The following STK33 variants were observed in gnomAD, a reference collection of about 807,000 sequenced individuals.
STK33 encodes serine/threonine-protein kinase 33.
STK33 carries 52 observed loss-of-function variants against 58.0 expected under a neutral mutation model. That is an observed-to-expected ratio of 0.90 (90% confidence interval 0.72 to 1.13). STK33 has a LOEUF of 1.13. STK33 is among the 50% of genes most tolerant of loss of function. The pLI is 0.00. For missense variants in STK33, 630 were observed against 604.2 expected (o/e 1.04, Z -0.45); for synonymous variants, 215 against 200.1 (o/e 1.07, Z -0.63).
At chr11:8,584,282 A>G (rs1207351940) in intron 1 of STK33, among the ~76,000 whole-genome samples, 1 of 152,134 alleles carries the variant, frequency 6.6e-6, no homozygotes, top group East Asian at 1.9e-4. Context: ...CGGGTCCTTC[A>G]ATGATTCATA....
intron 1 of STK33, among the ~76,000 whole-genome samples, chr11:8,484,281 T>C (rs1950051632): frequency 6.6e-6 from 1 of 152,246 alleles, no homozygotes; most frequent in African/African-American, 2.4e-5. Flanking sequence ...TGATATGTTT[T>C]AAGCTCCTAA....
chr11:8,575,378 TAAAC>T (rs1565400929), intron 1 of STK33, among the ~76,000 whole-genome samples: 2 of 152,094 alleles, frequency 1.3e-5, no homozygotes, highest in Non-Finnish European at 2.9e-5. Context: ...GATGAACAGA[TAAAC>T]AAACTGTGGT....
intron 14 of STK33, 103 bp from the exon 15 acceptor site, chr11:8,413,795 A>G: frequency 2.0e-6 from 2 of 1,012,290 alleles, no homozygotes; most frequent in South Asian, 3.1e-5. Flanking sequence ...TAATAGTCAC[A>G]TGGAAAAGAT....
chr11:8,396,304 A>G (rs189465307), intron 15 of STK33, among the ~76,000 whole-genome samples: 1 of 152,152 alleles, frequency 6.6e-6, no homozygotes, highest in Non-Finnish European at 1.5e-5. Context: ...GGGTTTCACC[A>G]TGTTGGCCAG....
At chr11:8,501,898 T>C (rs1951540224) in intron 1 of STK33, among the ~76,000 whole-genome samples, 1 of 152,170 alleles carries the variant, frequency 6.6e-6, no homozygotes. Flanking sequence ...TGGATGAACC[T>C]TGAAAATATT....
intron 1 of STK33, among the ~76,000 whole-genome samples, chr11:8,492,714 A>C (rs1284356523): frequency 6.6e-6 from 1 of 152,232 alleles, no homozygotes; most frequent in Non-Finnish European, 1.5e-5. Context: ...TCTCCTCAGC[A>C]AATGTAAAAG....
the STK33 span, among the ~76,000 whole-genome samples, chr11:8,347,529 G>A: frequency 8.5e-5 from 13 of 152,244 alleles, no homozygotes; most frequent in African/African-American, 3.1e-4. Context: ...GGCTGAGGAA[G>A]CAGCCACTGT....
downstream of STK33, among the ~76,000 whole-genome samples, chr11:8,390,392 A>G (rs1040567542): frequency 3.3e-5 from 5 of 152,208 alleles, no homozygotes; most frequent in Non-Finnish European, 5.9e-5. Context: ...CCTATCAGTC[A>G]TTGAAAGTCA....
At chr11:8,357,677 C>G in the STK33 span, among the ~76,000 whole-genome samples, 1 of 152,136 alleles carries the variant, frequency 6.6e-6, no homozygotes, top group Non-Finnish European at 1.5e-5. Context: ...CCTCACACCC[C>G]TCCCCACTAG....
intron 1 of STK33, among the ~76,000 whole-genome samples, chr11:8,593,033 T>C (rs2032859213): frequency 6.6e-6 from 1 of 152,150 alleles, no homozygotes; most frequent in African/African-American, 2.4e-5. Context: ...ATAAAATGAA[T>C]AGAACTTGAT....
the STK33 span, among the ~76,000 whole-genome samples, chr11:8,351,834 A>G: frequency 6.6e-6 from 1 of 152,144 alleles, no homozygotes; most frequent in African/African-American, 2.4e-5. Context: ...GAGCTCCTCC[A>G]TCCCCTTGGA....
the STK33 span, among the ~76,000 whole-genome samples, chr11:8,347,412 G>A: frequency 5.3e-5 from 8 of 152,280 alleles, no homozygotes; most frequent in South Asian, 8.3e-4. Context: ...GATAACAAAC[G>A]CTCCCCAAAT....
intron 1 of STK33, among the ~76,000 whole-genome samples, chr11:8,518,234 C>G (rs1591587039): frequency 1.3e-5 from 2 of 152,044 alleles, no homozygotes; most frequent in South Asian, 2.1e-4. Flanking sequence ...TCATATCCAG[C>G]CAAACTAAGC....
At chr11:8,394,671 T>C (rs1318820714) in intron 15 of STK33, among the ~76,000 whole-genome samples, 1 of 152,228 alleles carries the variant, frequency 6.6e-6, no homozygotes, top group Non-Finnish European at 1.5e-5. Context: ...AGAATATTTT[T>C]CTTTTTCCCA....
chr11:8,365,793 C>G, the STK33 span, among the ~76,000 whole-genome samples: 1 of 152,162 alleles, frequency 6.6e-6, no homozygotes, highest in Admixed American at 6.5e-5. Flanking sequence ...AACACAGACT[C>G]TCTGCCATTA....
At chr11:8,508,202 T>A (rs980414020) in intron 1 of STK33, among the ~76,000 whole-genome samples, 3 of 151,848 alleles carry the variant, frequency 2.0e-5, no homozygotes, top group African/African-American at 7.3e-5. Context: ...ACAAATAGGT[T>A]TTTACATTAT....
rs557943298 is a variant in STK33 at position 8,579,261 on chromosome 11, T to C, written c.-466+14822A>G. Among the ~76,000 whole-genome samples, 27 of 152,126 alleles carry C rather than the reference T, an allele frequency of 1.8e-4. 1 individual carries two copies. The highest frequency in any genetic ancestry group is 3.4e-3 in the Middle Eastern group (1 of 294). On this transcript the variant is annotated intron_variant, in intron 1 of 15. Coordinates refer to ENST00000687296, the MANE Select transcript of STK33 (RefSeq NM_001352389.2). ...ATAGGTTTTTTATTAAATCTAAACCTTTCAGTGGAGCCCTTATTGCCACTA... is the reference window on the plus strand; with the variant it reads ...ATAGGTTTTTTATTAAATCTAAACCCTTCAGTGGAGCCCTTATTGCCACTA...
At chr11:8,540,992 C>A (rs61875889) in intron 1 of STK33, among the ~76,000 whole-genome samples, 26,740 of 136,634 alleles carry the variant, frequency 0.2, 2,537 homozygotes, top group Admixed American at 0.23. Context: ...CTCTCTCTCT[C>A]TCTATATATA....
At chr11:8,436,987 C>T (rs753709142) in intron 12 of STK33, among the ~76,000 whole-genome samples, 3 of 152,188 alleles carry the variant, frequency 2.0e-5, no homozygotes, top group Non-Finnish European at 2.9e-5. Context: ...CATGTGTCAA[C>T]GCACCCAGCC....
Sources: allele counts gnomAD v4.1 joint callset (sites outside exome capture counted in the v4.1 genomes callset), GRCh38; gene constraint gnomAD v4.1.1; transcripts MANE v1.5; gene names NCBI Gene and HGNC (gene_info 2026-07-23, HGNC 2026-07-21).